IKZF4: variants seen among roughly 807,000 people sequenced by gnomAD.
IKZF4 encodes zinc finger protein Eos.
A neutral mutation model predicts 47.7 loss-of-function variants in IKZF4; 11 were observed. The ratio of observed to expected loss-of-function variants is 0.23; its 90% CI spans 0.15 to 0.38. The LOEUF (loss-of-function observed/expected upper bound fraction) is 0.38, where lower values mean the gene tolerates loss of function less well. Among genes scored for constraint, IKZF4 ranks in the 10% least tolerant of loss-of-function variants. The probability of loss-of-function intolerance (pLI) is 1.00; values close to 1 mark genes in which losing one functional copy is unlikely to be tolerated. For synonymous variants in IKZF4, 298 were observed against 299.4 expected, an observed-to-expected ratio of 1.00 and a Z score of 0.05; for missense variants, 557 against 784.9, an observed-to-expected ratio of 0.71 and a Z score of 3.47.
rs1195927025 is a variant in IKZF4 at position 56,035,910 on chromosome 12, G to A, written c.*579G>A. 6.5e-6 allele frequency: 1 copy of A among 152,792 alleles called. No homozygotes were observed. The highest frequency in any genetic ancestry group is 1.9e-4 in the East Asian group (1 of 5,204). 9.5% of individuals were successfully genotyped at this position (152,792 alleles called of 1,614,324 possible). A position where few individuals can be genotyped will look rare whatever the true frequency, so the allele number is the denominator to read the frequency against. On this transcript the variant is annotated 3_prime_UTR_variant, in exon 8 of 8. Coordinates refer to ENST00000547167, the MANE Select transcript of IKZF4 (RefSeq NM_022465.4). This position sits in a 1 kb window ranked among gnomAD's most constrained non-coding sequence, Gnocchi z 6.1. ...ATACCTCTTGTGCCCTCTCACTTTA[G>A]GCAGCTTGCACTATTCTTGAATGAA...
chr12:56,013,707 A>G (rs568630965), intron 2 of IKZF4, among the ~76,000 whole-genome samples: 2 of 152,236 alleles, frequency 1.3e-5, no homozygotes, highest in Admixed American at 6.5e-5. Context: ...AGAGAGTGGG[A>G]AGGCTGGGCG....
chr12:56,028,113 C>A (rs1016192235), intron 5 of IKZF4, among the ~76,000 whole-genome samples, 166 bp downstream of exon 5: 5 of 152,086 alleles, frequency 3.3e-5, no homozygotes, highest in African/African-American at 1.2e-4. Flanking sequence ...ATCCTCTGGG[C>A]AGCAAGGCTT....
rs1895671959 is a variant in IKZF4 at position 56,036,878 on chromosome 12, C to T, written c.*1547C>T. On this transcript the variant is annotated 3_prime_UTR_variant, in exon 8 of 8. Transcript: ENST00000547167. Reference sequence around the variant, plus strand: ...TCCCACTCTCTGCTTCCTTGAGATTCAAACCAAAGGCTGTTTTTCTATGTT... The same window carrying T: ...TCCCACTCTCTGCTTCCTTGAGATTTAAACCAAAGGCTGTTTTTCTATGTT... The T allele has an allele frequency of 6.6e-6, 1 of 152,216 alleles. No individual in the cohort carries two copies. The highest frequency in any genetic ancestry group is 2.1e-4 in the South Asian group (1 of 4,820). The allele number at this position is 152,216 out of a possible 1,614,324, so 9.4% of individuals were successfully genotyped here.
chr12:56,013,466 G>T (rs1891590978), intron 2 of IKZF4, among the ~76,000 whole-genome samples: 1 of 152,158 alleles, frequency 6.6e-6, no homozygotes, highest in Admixed American at 6.5e-5. Context: ...AGAGTGCTGG[G>T]ATTACAGGTG....
chr12:56,024,925 A>G, intron 2 of IKZF4, 129 bp from the exon 3 acceptor site: 1 of 1,527,064 alleles, frequency 6.5e-7, no homozygotes, highest in South Asian at 1.2e-5. Context: ...CCAGCATACA[A>G]CACTGCTTTG....
In IKZF4 at chr12:56,034,912, G is replaced by A; in HGVS notation, c.1339G>A (p.Ala447Thr). The change falls in exon 8 of 8, where the codon GCA (alanine) becomes ACA (threonine). Residue 447 changes from alanine (A) to threonine (T), a missense_variant. Physicochemically the swap from Ala to Thr is moderately conservative, Grantham distance 58 (BLOSUM62 0). Transcript: ENST00000547167. ...CCGAGGCCCCCTGACTGACCCTGGG[G>A]CATCCCCCAGCAATGGCTGCCAGGA... ...RPRGPLTDPGASPSNGCQDST... is the reference protein window; with the variant it reads ...RPRGPLTDPGTSPSNGCQDST... 1 of 1,597,900 alleles carries A rather than the reference G, an allele frequency of 6.3e-7. No homozygotes were observed. The highest frequency in any genetic ancestry group is 8.5e-7 in the Non-Finnish European group (1 of 1,170,208).
chr12:56,012,239 C>A (rs1891409339), intron 2 of IKZF4, among the ~76,000 whole-genome samples: 1 of 152,024 alleles, frequency 6.6e-6, no homozygotes, highest in Admixed American at 6.5e-5. Flanking sequence ...TGACCTTTTA[C>A]CCCCTAGGCC....
intron 1 of IKZF4, among the ~76,000 whole-genome samples, chr12:56,009,175 C>T (rs1359779485): frequency 1.3e-5 from 2 of 152,086 alleles, no homozygotes; most frequent in Admixed American, 1.3e-4. Flanking sequence ...TTAGATGTTC[C>T]AACGTCATGG....
upstream of IKZF4, chr12:56,019,403 C>T (rs1395219779): frequency 5.1e-6 from 5 of 982,752 alleles, no homozygotes; most frequent in South Asian, 4.7e-5. Flanking sequence ...TGGCAACACC[C>T]GGGTAATGTA....
chr12:56,018,433 A>T (rs945244091), upstream of IKZF4, among the ~76,000 whole-genome samples: 1 of 152,218 alleles, frequency 6.6e-6, no homozygotes, highest in African/African-American at 2.4e-5. Context: ...CATCATTAGA[A>T]GAATAATTTG....
chr12:56,032,486 G>C (rs1895047653), intron 5 of IKZF4, 75 bp from the exon 6 acceptor site: 3 of 1,432,984 alleles, frequency 2.1e-6, no homozygotes, highest in South Asian at 2.6e-5. Flanking sequence ...GTGTATACTT[G>C]CTCTTGGCTG....
upstream of IKZF4, among the ~76,000 whole-genome samples, chr12:56,017,806 C>T (rs1022008033): frequency 6.6e-6 from 1 of 152,258 alleles, no homozygotes; most frequent in South Asian, 2.1e-4. Context: ...CCTCCCACCT[C>T]AGCCTCCTGA....
intron 4 of IKZF4, 126 bp downstream of exon 4, chr12:56,027,167 G>C: frequency 2.1e-6 from 2 of 947,916 alleles, no homozygotes; most frequent in Non-Finnish European, 2.9e-6. Flanking sequence ...CCTCAGAAAG[G>C]GAAGGGTCTC....
intron 1 of IKZF4, among the ~76,000 whole-genome samples, chr12:56,009,821 G>A (rs1266520279): frequency 2.6e-5 from 4 of 152,166 alleles, no homozygotes; most frequent in Non-Finnish European, 5.9e-5. Flanking sequence ...TAAGGGTAAG[G>A]CATATTTCAG....
At position 56,034,922 on chromosome 12, in the gene IKZF4, G is replaced by A. The variant is rs766485228; in HGVS notation, c.1349G>A (p.Ser450Asn). 20 of 1,594,430 alleles carry A rather than the reference G, an allele frequency of 1.3e-5. No homozygotes were observed. The Admixed American group carries it at 3.1e-4, about 25-fold the overall frequency. Residue 450 changes from serine to asparagine, a missense_variant, in exon 8 of 8, where the codon AGC becomes AAC. Around this residue, in one of 6 missense-constraint regions of IKZF4, gnomAD observed 280 missense variants for 314.0 expected, o/e 0.89. Transcript: ENST00000547167. The part of the protein sequence containing the change: ...GPLTDPGASP[S>N]NGCQDSTDTE... ...CTGACTGACCCTGGGGCATCCCCCA[G>A]CAATGGCTGCCAGGACTCCACAGAC...
intron 2 of IKZF4, among the ~76,000 whole-genome samples, chr12:56,024,177 G>T (rs1158879752): frequency 6.6e-6 from 1 of 152,112 alleles, no homozygotes; most frequent in Admixed American, 6.5e-5. Context: ...CAATTTATCA[G>T]AAAATTAAAA....
At chr12:56,008,238 G>A (rs1890935434) in intron 1 of IKZF4, among the ~76,000 whole-genome samples, 1 of 152,202 alleles carries the variant, frequency 6.6e-6, no homozygotes, top group Admixed American at 6.5e-5. Context: ...AAGAAACTTA[G>A]GATGGAGTGA....
intron 1 of IKZF4, among the ~76,000 whole-genome samples, chr12:56,022,990 G>A (rs550734616): frequency 7.2e-5 from 11 of 152,148 alleles, no homozygotes; most frequent in Admixed American, 2.0e-4. Context: ...TAGTAGAGAC[G>A]GGGTTTCACC....
Position 56,027,918 on chromosome 12 carries a change from C to T in IKZF4, c.686C>T (p.Ala229Val). 6.3e-7 allele frequency: 1 copy of T among 1,582,266 alleles called. No individual in the cohort carries two copies. Among genetic ancestry groups the T allele is most frequent in the Non-Finnish European group, 8.6e-7 (1 of 1,164,184 alleles). ...FCNYACRRRD[A>V]LTGHLRTHSV... Reference sequence around the variant, plus strand: ...AACTATGCCTGCCGCCGGCGTGATGCACTCACTGGTCACCTCCGCACACAC... The same window carrying T: ...AACTATGCCTGCCGCCGGCGTGATGTACTCACTGGTCACCTCCGCACACAC... The change falls in exon 5 of 8, where the codon GCA becomes GTA. Residue 229 changes from alanine (A) to valine (V), a missense_variant. Around this residue, in one of 6 missense-constraint regions of IKZF4, gnomAD observed 72 missense variants for 112.4 expected, o/e 0.64. Coordinates refer to ENST00000547167, the MANE Select transcript of IKZF4 (RefSeq NM_022465.4).
Sources: gnomAD v4.1 joint callset for allele counts (sites outside exome capture counted in the v4.1 genomes callset) on GRCh38, gnomAD v4.1.1 for gene constraint, gnomAD v4.1.1 regional missense constraint, Gnocchi (gnomAD v3.1) non-coding constraint, MANE v1.5 for transcripts, NCBI Gene and HGNC (gene_info 2026-07-23, HGNC 2026-07-21) for gene names.